Variants in SPATA17 observed in about 807,000 individuals in gnomAD.
SPATA17 encodes the protein spermatogenesis-associated protein 17.
Under a neutral mutation model 62.2 loss-of-function variants are expected in SPATA17, and 53 were observed. The ratio of observed to expected loss-of-function variants is 0.85; its 90% CI spans 0.68 to 1.07. The LOEUF (loss-of-function observed/expected upper bound fraction) is 1.07. Ranked by LOEUF, SPATA17 falls within the 50% of genes least tolerant of loss-of-function variation. The pLI, the probability that SPATA17 is intolerant of heterozygous loss-of-function variation, is 0.00. For missense variants in SPATA17, 466 were observed against 425.5 expected, an observed-to-expected ratio of 1.10 and a Z score of -0.84; for synonymous variants, 146 against 146.8, an observed-to-expected ratio of 0.99 and a Z score of 0.04.
At chr1:217,716,633 C>T (rs1177892429) in intron 5 of SPATA17, among the ~76,000 whole-genome samples, 1 of 152,090 alleles carries the variant, frequency 6.6e-6, no homozygotes, top group Non-Finnish European at 1.5e-5. Flanking sequence ...AAAAGAAACA[C>T]TTTAATTACA....
chr1:217,714,502 T>TTTTTTTTTTTTTG (rs1294219534), intron 5 of SPATA17, among the ~76,000 whole-genome samples: 4 of 148,546 alleles, frequency 2.7e-5, no homozygotes, highest in African/African-American at 4.9e-5. Context: ...TTTTTTTTTT[T>TTTTTTTTTTTTTG]GAGACAGAGT....
rs1159681341 is a variant in SPATA17 at position 217,801,963 on chromosome 1, A to AT, written c.1005+119dup. On this transcript the variant is annotated intron_variant, in intron 9 of 10. Transcript: ENST00000366933. ...CAATTAAGACCTTTATGGTAACAAC[A>AT]TTTTTTATAGCTGTTTTAGGTAAAG... 11 of 1,111,696 alleles carry AT rather than the reference A, an allele frequency of 9.9e-6. No individual in the cohort carries two copies. In the African/African-American group the frequency reaches 1.5e-4, roughly 15 times the overall value. 68.9% of individuals were successfully genotyped at this position (1,111,696 alleles called of 1,614,324 possible). A position where few individuals can be genotyped will look rare whatever the true frequency, so the allele number is the denominator to read the frequency against.
At chr1:217,661,064 C>A (rs1670557422) in intron 3 of SPATA17, among the ~76,000 whole-genome samples, 1 of 151,876 alleles carries the variant, frequency 6.6e-6, no homozygotes, top group Non-Finnish European at 1.5e-5. Flanking sequence ...TTAAACCAAG[C>A]TATTGAATGG....
chr1:217,648,319 G>A (rs562508584), intron 1 of SPATA17, among the ~76,000 whole-genome samples: 1 of 152,216 alleles, frequency 6.6e-6, no homozygotes, highest in East Asian at 1.9e-4. Context: ...TCTCACATCT[G>A]GATCACTGAC....
chr1:217,779,279 A>C (rs1410950380), intron 7 of SPATA17, among the ~76,000 whole-genome samples: 1 of 151,784 alleles, frequency 6.6e-6, no homozygotes, highest in African/African-American at 2.4e-5. Flanking sequence ...ATACTTACAT[A>C]TATATACACA....
chr1:217,774,210 T>C (rs1673529863), intron 6 of SPATA17, 124 bp from the exon 7 acceptor site: 1 of 767,400 alleles, frequency 1.3e-6, no homozygotes, highest in African/African-American at 1.8e-5. Context: ...CCACCTCTGG[T>C]TAAGAACCAC....
rs192798581 is a variant in SPATA17 at position 217,834,773 on chromosome 1, T to C, written c.1006-28001T>C. On this transcript the variant is annotated intron_variant, in intron 9 of 10. Coordinates refer to ENST00000366933, the MANE Select transcript of SPATA17 (RefSeq NM_138796.4). ...ATATTTTTATAAATTTAGTGTAGTC[T>C]AAGTGTACAGTGTTTATATATGAAG... Among the ~76,000 whole-genome samples the C allele has an allele frequency of 8.5e-5, 13 of 152,244 alleles. No homozygotes were observed. In the East Asian group the frequency reaches 2.5e-3, roughly 29 times the overall value.
chr1:217,673,309 C>T (rs1670871253), intron 4 of SPATA17, among the ~76,000 whole-genome samples: 1 of 152,126 alleles, frequency 6.6e-6, no homozygotes, highest in Admixed American at 6.5e-5. Context: ...TATGCCTTTA[C>T]AAAACCCCTG....
At chr1:217,796,117 G>A (rs903942666) in intron 8 of SPATA17, among the ~76,000 whole-genome samples, 8 of 152,016 alleles carry the variant, frequency 5.3e-5, no homozygotes, top group East Asian at 1.9e-4. Context: ...ATATAAGTCC[G>A]TAAAATATCT....
chr1:217,791,167 A>G (rs2102982112), intron 8 of SPATA17, among the ~76,000 whole-genome samples: 1 of 152,354 alleles, frequency 6.6e-6, no homozygotes, highest in Non-Finnish European at 1.5e-5. Flanking sequence ...AGCTAACCCC[A>G]TTAACACAGA....
At chr1:217,853,807 C>T (rs1380954725) in intron 9 of SPATA17, among the ~76,000 whole-genome samples, 1 of 152,108 alleles carries the variant, frequency 6.6e-6, no homozygotes, top group African/African-American at 2.4e-5. Flanking sequence ...TGGCCAATAG[C>T]ACTATAACTC....
chr1:217,741,755 T>C (rs1272215314), intron 5 of SPATA17, among the ~76,000 whole-genome samples: 1 of 152,196 alleles, frequency 6.6e-6, no homozygotes, highest in African/African-American at 2.4e-5. Context: ...ATTATAAATA[T>C]ACTCATTTGA....
At chr1:217,745,985 G>A (rs1405282831) in intron 6 of SPATA17, among the ~76,000 whole-genome samples, 3 of 152,166 alleles carry the variant, frequency 2.0e-5, no homozygotes, top group East Asian at 3.9e-4. Flanking sequence ...AATTTTTACA[G>A]CATGTCTTGG....
At chr1:217,755,785 ATAAGT>A (rs1673027483) in intron 6 of SPATA17, among the ~76,000 whole-genome samples, 1 of 152,034 alleles carries the variant, frequency 6.6e-6, no homozygotes, top group Non-Finnish European at 1.5e-5. Flanking sequence ...TTCTATGTAC[ATAAGT>A]TAACTTACGA....
intron 3 of SPATA17, among the ~76,000 whole-genome samples, chr1:217,656,578 G>GTATGTATGTATGTATT (rs1553362117): frequency 2.7e-5 from 4 of 150,876 alleles, no homozygotes; most frequent in African/African-American, 9.7e-5. Context: ...ATGTATGTAT[G>GTATGTATGTATGTATT]TATTTATTTA....
intron 4 of SPATA17, among the ~76,000 whole-genome samples, chr1:217,681,817 C>T (rs11117905): frequency 0.048 from 7,344 of 151,662 alleles, 579 homozygotes; most frequent in African/African-American, 0.17. Context: ...TTTATTGATC[C>T]AATATTCAAC....
Position 217,866,148 on chromosome 1 carries a change from G to A in SPATA17, c.*3-874G>A, listed in dbSNP as rs1676006639. 3.3e-5 allele frequency among the ~76,000 whole-genome samples: 5 copies of A among 152,142 alleles called. No homozygotes were observed. In the South Asian group the frequency reaches 1.0e-3, roughly 31 times the overall value. On this transcript the variant is annotated intron_variant, in intron 10 of 10. Coordinates refer to ENST00000366933, the MANE Select transcript of SPATA17 (RefSeq NM_138796.4). ...AAGCATATAAGTTATATGTGTGCCT[G>A]TTAGGAGTTAAAATTTTAGTTTAAT...
chr1:217,801,215 A>T (rs1674303632), intron 8 of SPATA17, among the ~76,000 whole-genome samples: 1 of 152,182 alleles, frequency 6.6e-6, no homozygotes, highest in South Asian at 2.1e-4. Flanking sequence ...AAGCAAAGCT[A>T]AGATGTGATT....
intron 8 of SPATA17, among the ~76,000 whole-genome samples, chr1:217,792,958 G>A (rs530805340): frequency 6.6e-6 from 1 of 152,296 alleles, no homozygotes; most frequent in Non-Finnish European, 1.5e-5. Context: ...TGATAGCATG[G>A]AGGATTTGGA....
Sources: allele counts gnomAD v4.1 joint callset (sites outside exome capture counted in the v4.1 genomes callset), GRCh38; gene constraint gnomAD v4.1.1; transcripts MANE v1.5; gene names NCBI Gene and HGNC (gene_info 2026-07-23, HGNC 2026-07-21).